The following CDV3 variants were observed in gnomAD, a reference collection of about 807,000 sequenced individuals.
CDV3 encodes the protein protein CDV3 homolog.
CDV3 carries 14 observed loss-of-function variants against 24.5 expected under a neutral mutation model. The ratio of observed to expected loss-of-function variants is 0.57; its 90% CI spans 0.38 to 0.89. The LOEUF is 0.89. CDV3 is among the 40% of genes least tolerant of loss of function. The pLI, the probability that CDV3 is intolerant of heterozygous loss-of-function variation, is 0.00. For missense variants in CDV3, 304 were observed against 310.2 expected, an observed-to-expected ratio of 0.98 and a Z score of 0.15; for synonymous variants, 114 against 114.1, an observed-to-expected ratio of 1.00 and a Z score of 0.00.
Position 133,588,254 on chromosome 3 carries a change from T to C in CDV3, c.*208T>C, listed in dbSNP as rs780044047. On this transcript the variant is annotated 3_prime_UTR_variant, in exon 5 of 5. Transcript: ENST00000264993. ...GGGAATTTTCATTGTTACATAAATG[T>C]GTGAACTAGTTTCAACAGTGTTCTT... 9.1e-6 allele frequency: 14 copies of C among 1,542,244 alleles called. No individual in the cohort carries two copies. The highest frequency in any genetic ancestry group is 1.2e-5 in the Non-Finnish European group (14 of 1,145,444).
rs2074753244 is a variant in CDV3, at chr3:133,575,115, G to T, written c.317G>T (p.Ser106Ile). Residue 106 changes from serine to isoleucine, a missense_variant and splice_region_variant, in exon 2 of 5, where the codon AGC becomes ATC. By Grantham distance (142) the Ser-to-Ile change is moderately radical. Transcript: ENST00000264993. ...CTCAGGGTTCAGGCAATGCAAATAA[G>T]GTATAGTCTGGTTACAAATGTGTTT... ...SGLRVQAMQI[S>I]SEKEEDDNEK... 6.7e-7 allele frequency: 1 copy of T among 1,497,480 alleles called. No individual in the cohort carries two copies. The highest frequency in any genetic ancestry group is 1.4e-5 in the African/African-American group (1 of 72,600). The allele number at this position is 1,497,480 out of a possible 1,614,324, so 92.8% of individuals were successfully genotyped here.
chr3:133,576,348 T>G (rs2074806574), intron 2 of CDV3, among the ~76,000 whole-genome samples: 1 of 152,236 alleles, frequency 6.6e-6, no homozygotes, highest in African/African-American at 2.4e-5. Context: ...CTTTCTCTTT[T>G]CTGTCTCCTG....
rs997564785 is a variant in CDV3 at position 133,588,296 on chromosome 3, A to G, written c.*250A>G. 1.3e-6 allele frequency: 2 copies of G among 1,537,854 alleles called. No individual in the cohort carries two copies. The highest frequency in any genetic ancestry group is 2.7e-5 in the African/African-American group (2 of 73,010). ...AGTGTTCTTTCATATTTACTCTGCAAATACAAAAAACCAAAACCTGCAGCC... is the reference window on the plus strand; with the variant it reads ...AGTGTTCTTTCATATTTACTCTGCAGATACAAAAAACCAAAACCTGCAGCC... On this transcript the variant is annotated 3_prime_UTR_variant, in exon 5 of 5. Coordinates refer to ENST00000264993, the MANE Select transcript of CDV3 (RefSeq NM_017548.5).
chr3:133,587,972 G>A lies in CDV3; in HGVS notation c.703G>A (p.Ala235Thr). The change falls in exon 5 of 5, where the codon GCC becomes ACC. Residue 235 changes from alanine (A) to threonine (T), a missense_variant. This residue lies in a region of CDV3 where 56 missense variants were observed against 50.9 expected (regional missense o/e 1.10). Transcript: ENST00000264993. ...TAGGGATGAGGTTTCAAAAAACCAG[G>A]CCCTTAAACTTCAGCTAGACAACCA... is the stretch of plus-strand genomic sequence containing the variant. ...RGRDEVSKNQ[A>T]LKLQLDNQYA... 6.2e-7 allele frequency: 1 copy of A among 1,614,050 alleles called. No individual in the cohort carries two copies. Among genetic ancestry groups the A allele is most frequent in the Non-Finnish European group, 8.5e-7 (1 of 1,179,952 alleles).
At position 133,574,187 on chromosome 3, in the gene CDV3, CG is replaced by C; in HGVS notation, c.146del (p.Gly49AlafsTer30). 3 of 1,023,666 alleles carry C rather than the reference CG, an allele frequency of 2.9e-6. No individual in the cohort carries two copies. Among genetic ancestry groups the C allele is most frequent in the Non-Finnish European group, 3.5e-6 (3 of 859,824 alleles). The allele number at this position is 1,023,666 out of a possible 1,614,324, so 63.4% of individuals were successfully genotyped here. ...AGGSSGAAGAAGGGAGAGTRP... is the reference protein window; with the variant it reads ...AGGSSGAAGAXGGGAGAGTRP... Reference sequence around the variant, plus strand: ...GGAAGCAGTGGAGCCGCGGGTGCGGCGGGCGGCGGGGCGGGCGCGGGGACCC... The same window carrying C: ...GGAAGCAGTGGAGCCGCGGGTGCGGCGGCGGCGGGGCGGGCGCGGGGACCC... On this transcript the variant is annotated frameshift_variant, in exon 1 of 5. Coordinates refer to ENST00000264993, the MANE Select transcript of CDV3 (RefSeq NM_017548.5). LOFTEE classifies it high-confidence loss of function.
At chr3:133,576,840 G>GTTTTTTTTTTTT (rs1378596698) in intron 2 of CDV3, among the ~76,000 whole-genome samples, 41 of 26,038 alleles carry the variant, frequency 1.6e-3, no homozygotes, top group Non-Finnish European at 2.7e-3. Flanking sequence ...AGGTAGACTA[G>GTTTTTTTTTTTT]CTTTTTTTTT....
Position 133,584,128 on chromosome 3 carries a change from A to G in CDV3, c.444A>G (p.Gln148=), listed in dbSNP as rs1933345677. ...SGPWNKTAPV[Q]APPAPVIVTE... ...CCTGGAATAAAACAGCTCCAGTACA[A>G]GCACCTCCTGCTCCAGTAATTGGTA... Residue 148 remains glutamine (Q), a synonymous_variant, in exon 3 of 5, where the codon CAA becomes CAG. Coordinates refer to ENST00000264993, the MANE Select transcript of CDV3 (RefSeq NM_017548.5). 3 of 1,608,698 alleles carry G rather than the reference A, an allele frequency of 1.9e-6. No individual in the cohort carries two copies. Among genetic ancestry groups the G allele is most frequent in the African/African-American group, 2.7e-5 (2 of 74,622 alleles).
At position 133,574,302 on chromosome 3, in the gene CDV3, C is replaced by G. The variant is rs2074714125; in HGVS notation, c.240+18C>G. On this transcript the variant is annotated intron_variant, in intron 1 of 4. Coordinates refer to ENST00000264993, the MANE Select transcript of CDV3 (RefSeq NM_017548.5). The stretch of plus-strand genomic sequence containing the variant: ...TGACGAAGGTGAGGGGCCGGGAGGC[C>G]GGCACTCGGGGCCCGGGCCGCGCGC... The G allele has an allele frequency of 3.1e-6, 3 of 967,132 alleles. No homozygotes were observed. Among genetic ancestry groups the G allele is most frequent in the South Asian group, 4.6e-5 (1 of 21,656 alleles). 59.9% of individuals were successfully genotyped at this position (967,132 alleles called of 1,614,324 possible).
At chr3:133,574,554 C>T in intron 1 of CDV3, 1 of 986,244 alleles carries the variant, frequency 1.0e-6, no homozygotes, top group South Asian at 4.7e-5. Context: ...GGCACTAGGT[C>T]TGGGGCCGCA....
intron 2 of CDV3, among the ~76,000 whole-genome samples, chr3:133,581,488 AAT>A (rs1933016318): frequency 6.6e-6 from 1 of 152,250 alleles, no homozygotes; most frequent in Non-Finnish European, 1.5e-5. Flanking sequence ...AGCATAAAGA[AAT>A]ATGTAAGAAT....
At chr3:133,584,180 T>C (rs781477084) in intron 3 of CDV3, 30 bp downstream of exon 3, 2 of 1,533,864 alleles carry the variant, frequency 1.3e-6, no homozygotes, top group African/African-American at 1.4e-5. Flanking sequence ...TTCAGAAAGA[T>C]GTCTAATTTA....
intron 1 of CDV3, 41 bp downstream of exon 1, chr3:133,574,325 C>T (rs1559776665): frequency 9.7e-6 from 9 of 924,820 alleles, no homozygotes; most frequent in Non-Finnish European, 1.2e-5. Context: ...CCGGGCCGCG[C>T]GCCGGCGCCC....
At chr3:133,577,661 G>A (rs1316111935) in intron 2 of CDV3, among the ~76,000 whole-genome samples, 1 of 152,134 alleles carries the variant, frequency 6.6e-6, no homozygotes, top group Non-Finnish European at 1.5e-5. Flanking sequence ...AGCCCAGCCA[G>A]ATGTCACATA....
intron 4 of CDV3, chr3:133,587,265 T>C (rs1933706720): frequency 2.3e-6 from 3 of 1,286,156 alleles, no homozygotes; most frequent in Non-Finnish European, 3.0e-6. Flanking sequence ...TGGGAAGAAA[T>C]GTAAATGACA....
Position 133,588,447 on chromosome 3 carries a change from T to G in CDV3, c.*401T>G, listed in dbSNP as rs918972809. The G allele has an allele frequency of 2.2e-6, 3 of 1,338,822 alleles. No homozygotes were observed. The African/African-American group carries it at 4.4e-5, about 19-fold the overall frequency. 82.9% of individuals were successfully genotyped at this position (1,338,822 alleles called of 1,614,324 possible). On this transcript the variant is annotated 3_prime_UTR_variant, in exon 5 of 5. Transcript: ENST00000264993. Reference sequence around the variant, plus strand: ...AACTTCTGGATAAGAAGATTACAACTATTAAGTGTCGATGTGAACCTTGCA... The same window carrying G: ...AACTTCTGGATAAGAAGATTACAACGATTAAGTGTCGATGTGAACCTTGCA...
intron 2 of CDV3, among the ~76,000 whole-genome samples, chr3:133,583,716 C>G (rs1449099422): frequency 1.3e-5 from 2 of 152,138 alleles, no homozygotes; most frequent in African/African-American, 4.8e-5. Context: ...GTGTGTGCCC[C>G]CATGCCTGGC....
At chr3:133,584,404 A>T (rs1933376096) in intron 3 of CDV3, among the ~76,000 whole-genome samples, 1 of 152,196 alleles carries the variant, frequency 6.6e-6, no homozygotes, top group Non-Finnish European at 1.5e-5. Flanking sequence ...AGTCGATTCC[A>T]GTTTCATTTA....
Position 133,588,371 on chromosome 3 carries a change from G to A in CDV3, c.*325G>A. 6.5e-7 allele frequency: 1 copy of A among 1,535,944 alleles called. No individual in the cohort carries two copies. Among genetic ancestry groups the A allele is most frequent in the Non-Finnish European group, 8.7e-7 (1 of 1,146,762 alleles). ...TGTTCAGATACTGAGCCTTCATAAG[G>A]GTTGACTACCTCAGATTTGCTGCAC... On this transcript the variant is annotated 3_prime_UTR_variant, in exon 5 of 5. Coordinates refer to ENST00000264993, the MANE Select transcript of CDV3 (RefSeq NM_017548.5).
At chr3:133,578,759 C>G (rs991715160) in intron 2 of CDV3, among the ~76,000 whole-genome samples, 1 of 152,110 alleles carries the variant, frequency 6.6e-6, no homozygotes, top group Admixed American at 6.5e-5. Flanking sequence ...TGGAGATGCC[C>G]GGTATTCCAG....
Sources: gnomAD v4.1 joint callset for allele counts (sites outside exome capture counted in the v4.1 genomes callset) on GRCh38, gnomAD v4.1.1 for gene constraint, gnomAD v4.1.1 regional missense constraint, MANE v1.5 for transcripts, NCBI Gene and HGNC (gene_info 2026-07-23, HGNC 2026-07-21) for gene names.